SMYD3: variants seen among roughly 807,000 people sequenced by gnomAD.
The protein encoded by SMYD3 is SET and MYND domain containing 3, also known as histone-lysine N-methyltransferase SMYD3.
SMYD3 carries 36 observed loss-of-function variants against 57.7 expected under a neutral mutation model. The observed-to-expected ratio is 0.62, with a 90% CI of 0.48 to 0.82. SMYD3 has a LOEUF of 0.82. Ranked by LOEUF, SMYD3 falls within the 40% of genes least tolerant of loss-of-function variation. The probability of loss-of-function intolerance (pLI) is 0.00; values close to 1 mark genes in which losing one functional copy is unlikely to be tolerated. For missense variants in SMYD3, 515 were observed against 538.8 expected (o/e 0.96, Z 0.44); for synonymous variants, 211 against 195.0 (o/e 1.08, Z -0.68).
intron 1 of SMYD3, among the ~76,000 whole-genome samples, chr1:246,435,104 G>A (rs1270209422): frequency 6.6e-6 from 1 of 152,170 alleles, no homozygotes; most frequent in African/African-American, 2.4e-5. Context: ...ATAAGTGGGA[G>A]CTAATCACTG....
chr1:246,306,346 C>CA (rs1302414436), intron 5 of SMYD3, among the ~76,000 whole-genome samples: 4 of 150,206 alleles, frequency 2.7e-5, no homozygotes, highest in Admixed American at 1.3e-4. Flanking sequence ...GACTCCGTCT[C>CA]AAAAAAAAAT....
intron 1 of SMYD3, among the ~76,000 whole-genome samples, chr1:246,409,250 C>T (rs1359187532): frequency 6.6e-6 from 1 of 151,996 alleles, no homozygotes; most frequent in East Asian, 1.9e-4. Context: ...AAGTCTTGCC[C>T]ATGCCTATGT....
rs370753206 is a variant in SMYD3 at position 246,380,354 on chromosome 1, G to A, written c.165-25260C>T. On this transcript the variant is annotated intron_variant, in intron 1 of 11. Transcript: ENST00000490107. ...TAATAATCCTCAGAAATGGAAATTCGTAATTGATCAACCTTGACTAAGCAA... is the reference window on the plus strand; with the variant it reads ...TAATAATCCTCAGAAATGGAAATTCATAATTGATCAACCTTGACTAAGCAA... Among the ~76,000 whole-genome samples, 50 of 152,186 alleles carry A rather than the reference G, an allele frequency of 3.3e-4. 1 individual carries two copies. Among genetic ancestry groups the A allele is most frequent in the Middle Eastern group, 6.8e-3 (2 of 294 alleles).
At chr1:246,268,524 C>T (rs1220926107) in intron 5 of SMYD3, among the ~76,000 whole-genome samples, 1 of 151,960 alleles carries the variant, frequency 6.6e-6, no homozygotes, top group African/African-American at 2.4e-5. Context: ...ATGGTGACCC[C>T]GTCTCTACTA....
chr1:246,064,923 C>G (rs6426271), intron 5 of SMYD3, among the ~76,000 whole-genome samples: 1 of 152,094 alleles, frequency 6.6e-6, no homozygotes, highest in African/African-American at 2.4e-5. Flanking sequence ...AGCCTATAAT[C>G]TGTATACTAA....
intron 2 of SMYD3, among the ~76,000 whole-genome samples, chr1:246,345,089 A>G (rs2065691557): frequency 6.6e-6 from 1 of 152,162 alleles, no homozygotes; most frequent in African/African-American, 2.4e-5. Context: ...ATGAAAATCA[A>G]TTTATCAATT....
intron 5 of SMYD3, chr1:245,955,876 G>GT (rs36039473): frequency 2.6e-3 from 1,890 of 733,394 alleles, no homozygotes; most frequent in East Asian, 8.0e-3. Context: ...TTTGTTTTGG[G>GT]TTTTTTTTTT....
At chr1:245,891,456 G>A (rs2053380872) in intron 8 of SMYD3, among the ~76,000 whole-genome samples, 1 of 152,232 alleles carries the variant, frequency 6.6e-6, no homozygotes, top group Non-Finnish European at 1.5e-5. Flanking sequence ...AGACAGCCCA[G>A]GATGACATCC....
chr1:246,072,678 G>C (rs1363874228), intron 5 of SMYD3, among the ~76,000 whole-genome samples: 1 of 152,170 alleles, frequency 6.6e-6, no homozygotes, highest in Non-Finnish European at 1.5e-5. Flanking sequence ...GAGGAGATTA[G>C]TACATGACTC....
rs567174358 is a variant in SMYD3 at position 245,771,876 on chromosome 1, A to G, written c.1077-7727T>C. 1.7e-3 allele frequency among the ~76,000 whole-genome samples: 255 copies of G among 151,536 alleles called. 2 individuals are homozygous for G. The highest frequency in any genetic ancestry group is 2.9e-3 in the Non-Finnish European group (194 of 67,808). On this transcript the variant is annotated intron_variant, in intron 10 of 11. Coordinates refer to ENST00000490107, the MANE Select transcript of SMYD3 (RefSeq NM_001167740.2). ...ACATCAGGAAACAAAACCAAAGGGG[A>G]AAAAAAAAGATGGGCCCCACAGTCA...
chr1:246,370,653 TG>T (rs2066179209), intron 1 of SMYD3, among the ~76,000 whole-genome samples: 1 of 152,230 alleles, frequency 6.6e-6, no homozygotes, highest in African/African-American at 2.4e-5. Flanking sequence ...CTGAGGCTGC[TG>T]GGTGTATTCT....
intron 10 of SMYD3, among the ~76,000 whole-genome samples, chr1:245,830,807 T>C (rs1008187366): frequency 1.3e-5 from 2 of 152,174 alleles, no homozygotes; most frequent in African/African-American, 4.8e-5. Context: ...GCAACACCTA[T>C]CTCTAAACCA....
At chr1:246,158,198 C>T (rs1043921269) in intron 5 of SMYD3, among the ~76,000 whole-genome samples, 4 of 152,314 alleles carry the variant, frequency 2.6e-5, no homozygotes, top group Non-Finnish European at 5.9e-5. Context: ...TAGACTCATT[C>T]TTCCCCTGAC....
At chr1:246,406,215 C>T (rs1489731923) in intron 1 of SMYD3, among the ~76,000 whole-genome samples, 8 of 152,022 alleles carry the variant, frequency 5.3e-5, no homozygotes, top group African/African-American at 1.7e-4. Flanking sequence ...TGAGCCACCG[C>T]GCCCAGCCAA....
chr1:246,135,214 C>T (rs2061649267), intron 5 of SMYD3, among the ~76,000 whole-genome samples: 1 of 152,130 alleles, frequency 6.6e-6, no homozygotes, highest in Non-Finnish European at 1.5e-5. Context: ...ATAGGTCTCA[C>T]TACTCCTCTG....
chr1:246,465,764 CA>C lies in SMYD3; in HGVS notation c.164+41289del, dbSNP rs376357712. Among the ~76,000 whole-genome samples the C allele has an allele frequency of 5.3e-5, 8 of 152,216 alleles. No homozygotes were observed. In the South Asian group the frequency reaches 1.7e-3, roughly 32 times the overall value. ...CTGTGGAGAAAAGAGAACACTTAAA[CA>C]CTTGTTTTTTGTTTTTCATTTTTTT... is the stretch of plus-strand genomic sequence containing the variant. On this transcript the variant is annotated intron_variant, in intron 1 of 11. Transcript: ENST00000490107.
At chr1:245,858,237 C>T (rs958274913) in intron 10 of SMYD3, among the ~76,000 whole-genome samples, 1 of 152,158 alleles carries the variant, frequency 6.6e-6, no homozygotes, top group African/African-American at 2.4e-5. Context: ...ATCATCTGCT[C>T]CAGATAGAGA....
intron 5 of SMYD3, among the ~76,000 whole-genome samples, chr1:246,081,307 G>C (rs2060633540): frequency 6.6e-6 from 1 of 152,190 alleles, no homozygotes; most frequent in Non-Finnish European, 1.5e-5. Context: ...AGCTTCAAAA[G>C]GAGACTCTGT....
At chr1:245,818,111 T>C (rs1201403593) in intron 10 of SMYD3, among the ~76,000 whole-genome samples, 5 of 151,870 alleles carry the variant, frequency 3.3e-5, no homozygotes, top group Non-Finnish European at 7.4e-5. Context: ...TCACCAAAGT[T>C]GAAATGAAGG....
Sources: allele counts gnomAD v4.1 joint callset (sites outside exome capture counted in the v4.1 genomes callset), GRCh38; gene constraint gnomAD v4.1.1; transcripts MANE v1.5; gene names NCBI Gene and HGNC (gene_info 2026-07-23, HGNC 2026-07-21).